The following KIF3C variants were observed in gnomAD, a reference collection of about 807,000 sequenced individuals.
KIF3C encodes kinesin-like protein KIF3C.
In KIF3C, 12 loss-of-function variants were observed where a neutral mutation model predicts 67.7. That is an observed-to-expected ratio of 0.18 (90% CI 0.11 to 0.29). The LOEUF (loss-of-function observed/expected upper bound fraction) is 0.29. Among genes scored for constraint, KIF3C ranks in the 10% least tolerant of loss-of-function variants. KIF3C has a pLI of 1.00. For synonymous variants in KIF3C, 393 were observed against 426.2 expected (o/e 0.92, Z 0.96); for missense variants, 789 against 1,059.6 (o/e 0.74, Z 3.55).
chr2:25,963,192 A>ATT (rs1664047879), intron 1 of KIF3C, among the ~76,000 whole-genome samples: 2 of 54,264 alleles, frequency 3.7e-5, no homozygotes, highest in African/African-American at 1.2e-4. Context: ...ATATATATAT[A>ATT]TATATTTTTT....
intron 5 of KIF3C, among the ~76,000 whole-genome samples, chr2:25,949,464 G>A (rs1663540934): frequency 6.6e-6 from 1 of 151,906 alleles, no homozygotes; most frequent in South Asian, 2.1e-4. Flanking sequence ...GACCACATGA[G>A]CCTGGGGAGG....
chr2:25,951,614 G>A, intron 5 of KIF3C, 175 bp downstream of exon 5: 1 of 562,250 alleles, frequency 1.8e-6, no homozygotes. Context: ...TTCCATCATA[G>A]AGACCCCTAC....
intron 5 of KIF3C, among the ~76,000 whole-genome samples, chr2:25,930,625 C>T (rs2149220802): frequency 6.6e-6 from 1 of 152,300 alleles, no homozygotes; most frequent in South Asian, 2.1e-4. Flanking sequence ...ACAACCTCTG[C>T]CTCCCGGGTT....
intron 5 of KIF3C, among the ~76,000 whole-genome samples, chr2:25,949,354 G>A (rs1663535004): frequency 6.6e-6 from 1 of 151,928 alleles, no homozygotes; most frequent in Non-Finnish European, 1.5e-5. Context: ...CAGGCAGATC[G>A]CTTCAGCCCA....
At chr2:25,969,934 G>A (rs1326086335) in intron 1 of KIF3C, among the ~76,000 whole-genome samples, 2 of 152,124 alleles carry the variant, frequency 1.3e-5, no homozygotes, top group Admixed American at 6.5e-5. Flanking sequence ...CAAGATAGTC[G>A]TGAATGCCTG....
intron 5 of KIF3C, among the ~76,000 whole-genome samples, chr2:25,945,564 C>CAAA (rs10581291): frequency 2.1e-4 from 14 of 67,346 alleles, no homozygotes; most frequent in Admixed American, 5.2e-4. Context: ...GAGAATATCT[C>CAAA]AAAAAAAAAA....
At position 25,927,747 on chromosome 2, in the gene KIF3C, A is replaced by G. The variant is rs555209388; in HGVS notation, c.*1231T>C. 6.6e-6 allele frequency: 1 copy of G among 152,404 alleles called. No individual in the cohort carries two copies. The highest frequency in any genetic ancestry group is 2.1e-4 in the South Asian group (1 of 4,820). The allele number at this position is 152,404 out of a possible 1,614,324, so 9.4% of individuals were successfully genotyped here. On this transcript the variant is annotated 3_prime_UTR_variant, in exon 8 of 8. Transcript: ENST00000264712. ...CCTCTTCACCCGTCCTCCAAAATAT[A>G]CACTTAAAAAGCCAGTCAATGAACA...
chr2:25,974,218 C>T (rs927377904), intron 1 of KIF3C, among the ~76,000 whole-genome samples: 5 of 152,184 alleles, frequency 3.3e-5, no homozygotes, highest in African/African-American at 4.8e-5. Context: ...TACAGACGCG[C>T]GCCACCAAGC....
intron 5 of KIF3C, among the ~76,000 whole-genome samples, chr2:25,936,481 A>AT (rs200266368): frequency 7.9e-4 from 121 of 152,304 alleles, no homozygotes; most frequent in Middle Eastern, 3.4e-3. Context: ...TATCTCAAAA[A>AT]TTTTTTTACA....
chr2:25,948,728 A>C (rs2149229972), intron 5 of KIF3C, among the ~76,000 whole-genome samples: 1 of 142,892 alleles, frequency 7.0e-6, no homozygotes, highest in South Asian at 2.6e-4. Flanking sequence ...AAGAAAGAAG[A>C]AAGGGAAGGA....
Position 25,951,789 on chromosome 2 carries a change from A to G in KIF3C, c.2006T>C (p.Val669Ala). 3 of 1,609,454 alleles carry G rather than the reference A, an allele frequency of 1.9e-6. No individual in the cohort carries two copies. Among genetic ancestry groups the G allele is most frequent in the Non-Finnish European group, 2.6e-6 (3 of 1,176,340 alleles). The change falls in exon 5 of 8, where the codon GTC becomes GCC. Residue 669 changes from valine to alanine, a missense_variant and splice_region_variant. Physicochemically the swap from Val to Ala is moderately conservative, Grantham distance 64. This residue lies in a region of KIF3C where 648 missense variants were observed against 807.8 expected (regional missense o/e 0.80). Transcript: ENST00000264712. The stretch of plus-strand genomic sequence containing the variant: ...CCAGACAGCTGGGTTAGAGACTCAC[A>G]CGCCGGCTGGCACCAGTGGCTGGAA... ...WKFQPLVPAG[V>A]SSSQMKKRPT... is the part of the protein sequence containing the mutation.
chr2:25,951,709 A>G, intron 5 of KIF3C, 80 bp downstream of exon 5: 1 of 855,384 alleles, frequency 1.2e-6, no homozygotes, highest in South Asian at 1.4e-5. Context: ...CCTGCAGGCA[A>G]GGCCTCAGGC....
chr2:25,953,461 C>CA (rs1228080655), intron 4 of KIF3C, among the ~76,000 whole-genome samples: 1 of 145,860 alleles, frequency 6.9e-6, no homozygotes, highest in African/African-American at 2.5e-5. Flanking sequence ...CCCAGGTTCA[C>CA]ACCATTCTCC....
intron 1 of KIF3C, among the ~76,000 whole-genome samples, chr2:25,957,295 C>A (rs114117444): frequency 0.029 from 4,408 of 152,216 alleles, 97 homozygotes; most frequent in African/African-American, 0.064. Context: ...GAACCTCGTA[C>A]CCCCAGTCTC....
intron 5 of KIF3C, among the ~76,000 whole-genome samples, chr2:25,949,758 T>C (rs1663546787): frequency 6.6e-6 from 1 of 151,782 alleles, no homozygotes; most frequent in Admixed American, 6.6e-5. Flanking sequence ...TCACTTGAGC[T>C]CAGGAGTTCA....
chr2:25,939,337 A>G (rs972332431), intron 5 of KIF3C, among the ~76,000 whole-genome samples: 1 of 151,960 alleles, frequency 6.6e-6, no homozygotes, highest in Non-Finnish European at 1.5e-5. Context: ...CTTCCTGTGC[A>G]TTCAACACTG....
intron 1 of KIF3C, 118 bp from the exon 2 acceptor site, chr2:25,956,562 C>T (rs1031771572): frequency 5.0e-5 from 36 of 715,960 alleles, no homozygotes; most frequent in Admixed American, 4.6e-4. Context: ...AGATGTGTCC[C>T]AGATGGGGCC....
chr2:25,937,717 G>A lies in KIF3C; in HGVS notation c.2007-7654C>T, dbSNP rs191581314. On this transcript the variant is annotated intron_variant, in intron 5 of 7. Transcript: ENST00000264712. ...TTTGTGTCCAAGGTCATGCAATTAG[G>A]GAGAGACTAGGAATCTGAATCTTCC... Among the ~76,000 whole-genome samples the A allele has an allele frequency of 1.4e-3, 214 of 152,200 alleles. 1 individual carries two copies. Among genetic ancestry groups the A allele is most frequent in the Non-Finnish European group, 5.4e-4 (37 of 68,010 alleles).
Position 25,929,939 on chromosome 2 carries a change from C to G in KIF3C, c.2115+16G>C, listed in dbSNP as rs1335700033. On this transcript the variant is annotated intron_variant, in intron 6 of 7. Transcript: ENST00000264712. ...CCTCCCTCCCGTAGGCTCTTTCTCC[C>G]CTCTCCGCTTCTTACCCTGTACCTG... 1 of 1,577,034 alleles carries G rather than the reference C, an allele frequency of 6.3e-7. No homozygotes were observed. Among genetic ancestry groups the G allele is most frequent in the Non-Finnish European group, 8.7e-7 (1 of 1,146,360 alleles).
Sources: gnomAD v4.1 joint callset for allele counts (sites outside exome capture counted in the v4.1 genomes callset) on GRCh38, gnomAD v4.1.1 for gene constraint, gnomAD v4.1.1 regional missense constraint, MANE v1.5 for transcripts, NCBI Gene and HGNC (gene_info 2026-07-23, HGNC 2026-07-21) for gene names.